Variants in TBC1D22A observed in about 807,000 individuals in gnomAD.
TBC1D22A encodes the protein putative GTPase activator.
In TBC1D22A, 38 loss-of-function variants were observed where a neutral mutation model predicts 60.2. That is an observed-to-expected ratio of 0.63 (90% CI 0.49 to 0.83). The LOEUF (loss-of-function observed/expected upper bound fraction) is 0.83, where lower values mean the gene tolerates loss of function less well. Ranked by LOEUF, TBC1D22A falls within the 40% of genes least tolerant of loss-of-function variation. The probability of loss-of-function intolerance (pLI) is 0.00; values close to 1 mark genes in which losing one functional copy is unlikely to be tolerated. For missense variants in TBC1D22A, 628 were observed against 701.0 expected (o/e 0.90, Z 1.18); for synonymous variants, 302 against 281.7 (o/e 1.07, Z -0.72).
intron 8 of TBC1D22A, among the ~76,000 whole-genome samples, chr22:46,928,785 A>G (rs748938894): frequency 6.6e-6 from 1 of 152,258 alleles, no homozygotes; most frequent in Non-Finnish European, 1.5e-5. Context: ...AAATATACAA[A>G]TGAGCAATAA....
chr22:46,762,986 G>A (rs1258966973), intron 1 of TBC1D22A, 138 bp downstream of exon 1: 6 of 732,998 alleles, frequency 8.2e-6, no homozygotes, highest in South Asian at 6.3e-5. Context: ...ATGGTGTGAC[G>A]GGCGTTGGGG....
intron 7 of TBC1D22A, among the ~76,000 whole-genome samples, chr22:46,903,379 C>T (rs1372090614): frequency 6.6e-6 from 1 of 152,210 alleles, no homozygotes; most frequent in Admixed American, 6.5e-5. Context: ...GCCTGTTTGC[C>T]CTCCCCGCCC....
At chr22:46,798,496 G>C (rs1175404229) in intron 4 of TBC1D22A, among the ~76,000 whole-genome samples, 1 of 152,262 alleles carries the variant, frequency 6.6e-6, no homozygotes, top group East Asian at 1.9e-4. Flanking sequence ...GGCACACGCA[G>C]TGCCCATGTG....
intron 4 of TBC1D22A, among the ~76,000 whole-genome samples, chr22:46,800,642 T>C (rs1377537328): frequency 6.6e-6 from 1 of 152,204 alleles, no homozygotes; most frequent in Non-Finnish European, 1.5e-5. Flanking sequence ...ATGAAAGCGG[T>C]GCTCATTTTG....
intron 10 of TBC1D22A, among the ~76,000 whole-genome samples, chr22:47,014,013 G>T (rs1212563279): frequency 2.0e-5 from 3 of 152,216 alleles, no homozygotes; most frequent in Non-Finnish European, 4.4e-5. Context: ...GGGGGTGGGC[G>T]CTGGACCCAG....
chr22:46,770,983 T>C (rs1208111032), intron 1 of TBC1D22A, among the ~76,000 whole-genome samples: 3 of 152,214 alleles, frequency 2.0e-5, no homozygotes, highest in African/African-American at 7.2e-5. Context: ...GAGATTTTGC[T>C]GTAGGTGCAG....
intron 12 of TBC1D22A, among the ~76,000 whole-genome samples, chr22:47,140,727 G>A (rs1408667728): frequency 6.6e-6 from 1 of 152,206 alleles, no homozygotes; most frequent in Non-Finnish European, 1.5e-5. Context: ...GCCTGGCCCT[G>A]GCGGCTTGGG....
intron 4 of TBC1D22A, among the ~76,000 whole-genome samples, chr22:46,807,502 A>G (rs1221329397): frequency 6.6e-6 from 1 of 152,170 alleles, no homozygotes; most frequent in East Asian, 1.9e-4. Context: ...TCTGTGTGAC[A>G]AAGCCATTTG....
intron 11 of TBC1D22A, among the ~76,000 whole-genome samples, chr22:47,079,722 AGAG>A (rs2064381863): frequency 6.6e-6 from 1 of 152,226 alleles, no homozygotes; most frequent in African/African-American, 2.4e-5. Context: ...GTAGGAAAAA[AGAG>A]GAGTACAGAA....
chr22:47,144,706 T>C (rs1279150012), intron 12 of TBC1D22A, among the ~76,000 whole-genome samples: 4 of 150,898 alleles, frequency 2.7e-5, no homozygotes, highest in African/African-American at 9.8e-5. Flanking sequence ...CTGGCTGAGA[T>C]CCTGGGACTG....
At chr22:46,791,175 C>T (rs145658944) in intron 1 of TBC1D22A, among the ~76,000 whole-genome samples, 17 of 152,312 alleles carry the variant, frequency 1.1e-4, no homozygotes, top group East Asian at 7.7e-4. Flanking sequence ...TATGTCACCA[C>T]GCCCAGCCAA....
At chr22:47,147,564 C>T (rs1439822863) in intron 12 of TBC1D22A, among the ~76,000 whole-genome samples, 1 of 152,234 alleles carries the variant, frequency 6.6e-6, no homozygotes, top group Non-Finnish European at 1.5e-5. Context: ...CTCAGAGAGG[C>T]CTTGGGGCAT....
intron 4 of TBC1D22A, among the ~76,000 whole-genome samples, chr22:46,804,199 G>A (rs2085029988): frequency 6.6e-6 from 1 of 152,098 alleles, no homozygotes; most frequent in African/African-American, 2.4e-5. Flanking sequence ...CTCAAAGCTT[G>A]CCCCCGGCCT....
intron 1 of TBC1D22A, among the ~76,000 whole-genome samples, chr22:46,784,377 T>A (rs1212703073): frequency 6.6e-6 from 1 of 152,232 alleles, no homozygotes; most frequent in African/African-American, 2.4e-5. Flanking sequence ...TATACTTTTT[T>A]AAAGACAGAT....
At chr22:46,835,733 C>T (rs1474246585) in intron 4 of TBC1D22A, among the ~76,000 whole-genome samples, 2 of 151,858 alleles carry the variant, frequency 1.3e-5, no homozygotes, top group Non-Finnish European at 2.9e-5. Flanking sequence ...CTCAAGAAGC[C>T]CATGGGACCC....
chr22:47,004,688 A>C (rs1343521435), intron 10 of TBC1D22A, among the ~76,000 whole-genome samples: 2 of 144,732 alleles, frequency 1.4e-5, no homozygotes. Context: ...ACACATGCCT[A>C]TATACACACA....
chr22:46,891,148 G>A (rs2068382263), intron 5 of TBC1D22A, 118 bp from the exon 6 acceptor site: 1 of 1,179,102 alleles, frequency 8.5e-7, no homozygotes, highest in Non-Finnish European at 1.1e-6. Flanking sequence ...TCCTCTCTGT[G>A]TCAGATTTCA....
Position 47,100,277 on chromosome 22 carries a change from A to G in TBC1D22A, c.1330-11231A>G, listed in dbSNP as rs1482586423. Among the ~76,000 whole-genome samples the G allele has an allele frequency of 3.3e-5, 5 of 151,286 alleles. No homozygotes were observed. In the East Asian group the frequency reaches 9.7e-4, roughly 29 times the overall value. ...CAAGGGTGAGGCCTCAGGGCACAAG[A>G]GTGAGGCTGTGGAGTGCAGGGGTGA... On this transcript the variant is annotated intron_variant, in intron 11 of 12. Coordinates refer to ENST00000337137, the MANE Select transcript of TBC1D22A (RefSeq NM_014346.5).
chr22:47,104,549 G>A (rs1278342073), intron 11 of TBC1D22A, among the ~76,000 whole-genome samples: 1 of 151,940 alleles, frequency 6.6e-6, no homozygotes, highest in African/African-American at 2.4e-5. Flanking sequence ...ACAAAAATTA[G>A]CTGGGCATGA....
Sources: gnomAD v4.1 joint callset for allele counts (sites outside exome capture counted in the v4.1 genomes callset) on GRCh38, gnomAD v4.1.1 for gene constraint, MANE v1.5 for transcripts, NCBI Gene and HGNC (gene_info 2026-07-23, HGNC 2026-07-21) for gene names.